CCDC22: variants seen among roughly 807,000 people sequenced by gnomAD.
CCDC22 encodes CCC complex scaffolding subunit CCDC22, also known as coiled-coil domain-containing protein 22.
In CCDC22, 4 loss-of-function variants were observed where a neutral mutation model predicts 53.1. The ratio of observed to expected loss-of-function variants is 0.08; its 90% confidence interval spans 0.04 to 0.17. CCDC22 has a LOEUF of 0.17. Ranked by LOEUF, CCDC22 falls within the 10% of genes least tolerant of loss-of-function variation. The pLI, the probability that CCDC22 is intolerant of heterozygous loss-of-function variation, is 1.00. For missense variants in CCDC22, 458 were observed against 554.0 expected (o/e 0.83, Z 1.74); for synonymous variants, 222 against 224.4 (o/e 0.99, Z 0.10).
At chrX:49,245,157 A>G (rs1286003042) in intron 6 of CCDC22, among the ~76,000 whole-genome samples, 7 of 95,187 alleles carry the variant, frequency 7.4e-5, no homozygotes, top group African/African-American at 2.8e-4. Context: ...GTCCACCTTT[A>G]TATCTGTCCC....
rs782123482 is a variant in CCDC22 at position 49,249,292 on chromosome X, G to A, written c.1635+30G>A. The A allele has an allele frequency of 2.8e-6, 3 of 1,081,002 alleles. No homozygotes were observed. In the African/African-American group the frequency reaches 5.5e-5, roughly 20 times the overall value. The allele number at this position is 1,081,002 out of a possible 1,213,427, so 89.1% of individuals were successfully genotyped here. On this transcript the variant is annotated intron_variant, in intron 14 of 16. Transcript: ENST00000376227. Reference sequence around the variant, plus strand: ...GGGGCAGGTTGGGCGGGGGTGAGTGGGGTGAGGCTGGGCTGCTGCCTTGTG... The same window carrying A: ...GGGGCAGGTTGGGCGGGGGTGAGTGAGGTGAGGCTGGGCTGCTGCCTTGTG...
intron 1 of CCDC22, among the ~76,000 whole-genome samples, chrX:49,236,064 A>G (rs917246949): frequency 7.4e-5 from 8 of 108,398 alleles, no homozygotes; most frequent in Non-Finnish European, 1.5e-4. Flanking sequence ...ACCCTAAGAC[A>G]CCTGTGCCCT....
chrX:49,250,268 G>A lies in CCDC22; in HGVS notation c.*7G>A, dbSNP rs797044661. On this transcript the variant is annotated 3_prime_UTR_variant, in exon 17 of 17. Coordinates refer to ENST00000376227, the MANE Select transcript of CCDC22 (RefSeq NM_014008.5). ...CCGGGTCCGGGAGGCCTGAGGAGCC[G>A]CCGGCAGAGGTCTCTCCCCAGCCTC... is the stretch of plus-strand genomic sequence containing the variant. 6.9e-5 allele frequency: 70 copies of A among 1,008,095 alleles called. No individual in the cohort carries two copies. Among genetic ancestry groups the A allele is most frequent in the Admixed American group, 1.6e-4 (6 of 38,378 alleles). The allele number at this position is 1,008,095 out of a possible 1,213,427, so 83.1% of individuals were successfully genotyped here.
At chrX:49,245,727 T>C (rs1283160421) in intron 6 of CCDC22, among the ~76,000 whole-genome samples, 1 of 112,513 alleles carries the variant, frequency 8.9e-6, no homozygotes. Context: ...AGAGAGAATA[T>C]TCTAGTGAAT....
In CCDC22 at chrX:49,246,873, G is replaced by C; in HGVS notation, c.857G>C (p.Gly286Ala). ...GCCTGGGGTGCTGGGGCCAAGACTG[G>C]TGCTCCTAAGGGCTCCCGCTTCACG... ...LQAWGAGAKT[G>A]APKGSRFTHS... Residue 286 changes from glycine to alanine, a missense_variant, in exon 7 of 17, where the codon GGT (glycine) becomes GCT (alanine). Coordinates refer to ENST00000376227, the MANE Select transcript of CCDC22 (RefSeq NM_014008.5). The C allele has an allele frequency of 8.3e-7, 1 of 1,201,743 alleles. No individual in the cohort carries two copies. Among genetic ancestry groups the C allele is most frequent in the Non-Finnish European group, 1.1e-6 (1 of 890,297 alleles).
intron 2 of CCDC22, 88 bp from the exon 3 acceptor site, chrX:49,241,928 G>A (rs2147937063): frequency 1.9e-6 from 2 of 1,075,037 alleles, no homozygotes; most frequent in Non-Finnish European, 2.5e-6. Context: ...TGGTTAGTGA[G>A]AAAGTGGGAG....
At chrX:49,249,040 T>C (rs1319004362) in intron 13 of CCDC22, 116 bp downstream of exon 13, 1 of 1,119,209 alleles carries the variant, frequency 8.9e-7, no homozygotes, top group African/African-American at 1.8e-5. Flanking sequence ...CACAGAATAG[T>C]CACACACAAT....
At chrX:49,244,557 TC>T (rs2065979918) in intron 6 of CCDC22, among the ~76,000 whole-genome samples, 1 of 109,023 alleles carries the variant, frequency 9.2e-6, no homozygotes. Context: ...TCTTTATCTG[TC>T]CTCTCTTCTT....
chrX:49,243,159 C>G lies in CCDC22; in HGVS notation c.510C>G (p.Val170=). ...AGCCTTTCCATGCCAGCAGGCTGGT[C>G]GTGCCAGAATTGAGTTCCAGAGGTG... ...LQKPFHASRL[V]VPELSSRGEP... Residue 170 remains valine (V), a synonymous_variant, in exon 5 of 17, where the codon GTC becomes GTG. Transcript: ENST00000376227. The G allele has an allele frequency of 8.3e-7, 1 of 1,211,487 alleles. No homozygotes were observed. Among genetic ancestry groups the G allele is most frequent in the Non-Finnish European group, 1.1e-6 (1 of 895,169 alleles).
At chrX:49,249,828 C>A in intron 16 of CCDC22, 103 bp downstream of exon 16, 1 of 711,190 alleles carries the variant, frequency 1.4e-6, no homozygotes. Flanking sequence ...GATGGCTGGA[C>A]ACCCAGCCCT....
In CCDC22 at chrX:49,243,454, C is replaced by T. The variant is rs959695845; in HGVS notation, c.706C>T (p.Pro236Ser). 4.3e-6 allele frequency: 5 copies of T among 1,171,115 alleles called. No individual in the cohort carries two copies. In the African/African-American group the frequency reaches 7.1e-5, roughly 17 times the overall value. Residue 236 changes from proline to serine, a missense_variant, in exon 6 of 17, where the codon CCA becomes TCA. Physicochemically the swap from Pro to Ser is moderately conservative, Grantham distance 74. Around this residue, in one of 4 missense-constraint regions of CCDC22, gnomAD observed 309 missense variants for 312.3 expected, o/e 0.99. Transcript: ENST00000376227. Reference protein sequence around the residue: ...EDWVHRTSRLPPQEDTRAQRQ... With the variant: ...EDWVHRTSRLSPQEDTRAQRQ... Reference sequence around the variant, plus strand: ...CTGGGTCCACCGGACATCCCGCCTCCCACCCCAGGTACAGCCAGATGCCTG... The same window carrying T: ...CTGGGTCCACCGGACATCCCGCCTCTCACCCCAGGTACAGCCAGATGCCTG...
At chrX:49,235,788 A>G in intron 1 of CCDC22, 102 bp downstream of exon 1, 2 of 647,233 alleles carry the variant, frequency 3.1e-6, no homozygotes, top group South Asian at 2.7e-5. Context: ...CCTGACATTC[A>G]GGGCTCCAAC....
Position 49,242,910 on chromosome X carries a change from C to T in CCDC22, c.386C>T (p.Ala129Val), listed in dbSNP as rs137929349. Reference protein sequence around the residue: ...PAGDSAILLRAIGSQIRDQLA... With the variant: ...PAGDSAILLRVIGSQIRDQLA... ...GGTGACTCAGCTATTCTCCTCCGGG[C>T]CATTGGGAGCCAAATTCGGGACCAG... Residue 129 changes from alanine to valine, a missense_variant, in exon 4 of 17, where the codon GCC becomes GTC. Transcript: ENST00000376227. 1 of 1,161,668 alleles carries T rather than the reference C, an allele frequency of 8.6e-7. No homozygotes were observed. Among genetic ancestry groups the T allele is most frequent in the Non-Finnish European group, 1.2e-6 (1 of 869,200 alleles).
At chrX:49,243,053 C>T in intron 4 of CCDC22, 61 bp downstream of exon 4, 5 of 1,143,141 alleles carry the variant, frequency 4.4e-6, no homozygotes, top group East Asian at 3.1e-5. Flanking sequence ...AGGGTTTTGG[C>T]CCCCTACCCC....
chrX:49,238,860 T>G (rs1557113081), intron 2 of CCDC22, among the ~76,000 whole-genome samples: 1 of 112,497 alleles, frequency 8.9e-6, no homozygotes, highest in Non-Finnish European at 1.9e-5. Flanking sequence ...TGCACCACTG[T>G]GCCTGGTAAA....
intron 1 of CCDC22, 140 bp downstream of exon 1, chrX:49,235,826 TACACACACACAC>T (rs797042658): frequency 3.7e-5 from 9 of 243,304 alleles, no homozygotes; most frequent in East Asian, 1.1e-4. Context: ...CTCACCCCCT[TACACACACACAC>T]ACACACACAC....
rs781821935 is a variant in CCDC22 at position 49,243,440 on chromosome X, G to A, written c.692G>A (p.Arg231Gln). 22 of 1,180,393 alleles carry A rather than the reference G, an allele frequency of 1.9e-5. No homozygotes were observed. The highest frequency in any genetic ancestry group is 2.4e-4 in the Middle Eastern group (1 of 4,130). Residue 231 changes from arginine (R) to glutamine (Q), a missense_variant, in exon 6 of 17, where the codon CGG becomes CAG. Coordinates refer to ENST00000376227, the MANE Select transcript of CCDC22 (RefSeq NM_014008.5). ...DRPGDEDWVHRTSRLPPQEDT... is the reference protein window; with the variant it reads ...DRPGDEDWVHQTSRLPPQEDT... ...CCAGGGGATGAGGACTGGGTCCACC[G>A]GACATCCCGCCTCCCACCCCAGGTA...
intron 6 of CCDC22, among the ~76,000 whole-genome samples, chrX:49,245,483 C>T (rs1477215864): frequency 1.8e-5 from 2 of 111,828 alleles, no homozygotes; most frequent in Non-Finnish European, 3.8e-5. Context: ...AGTGATTCTC[C>T]TGCCTCAGCC....
chrX:49,246,999 C>A, intron 7 of CCDC22, 74 bp downstream of exon 7: 1 of 874,471 alleles, frequency 1.1e-6, no homozygotes, highest in Non-Finnish European at 1.6e-6. Context: ...GTGTCAGCAC[C>A]ACACCTTTAT....
Sources: gnomAD v4.1 joint callset for allele counts (sites outside exome capture counted in the v4.1 genomes callset) on GRCh38, gnomAD v4.1.1 for gene constraint, gnomAD v4.1.1 regional missense constraint, MANE v1.5 for transcripts, NCBI Gene and HGNC (gene_info 2026-07-23, HGNC 2026-07-21) for gene names.